The following AIFM3 variants were observed in gnomAD, a reference collection of about 807,000 sequenced individuals.
AIFM3 encodes apoptosis-inducing factor 3.
Under a neutral mutation model 82.7 loss-of-function variants are expected in AIFM3, and 71 were observed. The observed-to-expected ratio is 0.86, with a 90% CI of 0.71 to 1.05. The LOEUF (loss-of-function observed/expected upper bound fraction) is 1.05. Ranked by LOEUF, AIFM3 falls within the 50% of genes least tolerant of loss-of-function variation. The pLI is 0.00. For missense variants in AIFM3, 748 were observed against 816.7 expected (o/e 0.92, Z 1.03); for synonymous variants, 337 against 329.1 (o/e 1.02, Z -0.26).
chr22:20,972,568 G>A (rs1320201281), intron 2 of AIFM3, among the ~76,000 whole-genome samples: 3 of 152,124 alleles, frequency 2.0e-5, no homozygotes, highest in Non-Finnish European at 4.4e-5. Flanking sequence ...CTGAGCTGCT[G>A]CCACTTTTGA....
chr22:20,975,595 C>G, intron 8 of AIFM3, 97 bp from the exon 9 acceptor site: 1 of 1,201,504 alleles, frequency 8.3e-7, no homozygotes, highest in Non-Finnish European at 1.2e-6. Context: ...GAGTTCTGTC[C>G]TGCAGCCCCT....
intron 2 of AIFM3, among the ~76,000 whole-genome samples, chr22:20,971,483 A>T (rs1400426558): frequency 2.0e-5 from 3 of 152,112 alleles, no homozygotes; most frequent in Non-Finnish European, 4.4e-5. Flanking sequence ...GAGATGATGG[A>T]TGGGCTGGGC....
In AIFM3 at chr22:20,973,294, G is replaced by A. The variant is rs936165142; in HGVS notation, c.32-13G>A. 3.2e-6 allele frequency: 5 copies of A among 1,565,842 alleles called. No individual in the cohort carries two copies. The highest frequency in any genetic ancestry group is 4.3e-6 in the Non-Finnish European group (5 of 1,155,770). ...GCTGAGGTGGGGGGCTCAAGGCGCT[G>A]CCTTGCCCACAGTGGAGCTCAAGAT... is the stretch of plus-strand genomic sequence containing the variant. On this transcript the variant is annotated splice_polypyrimidine_tract_variant and intron_variant, in intron 2 of 20. Coordinates refer to ENST00000440238, the MANE Select transcript of AIFM3 (RefSeq NM_001386814.1).
upstream of AIFM3, among the ~76,000 whole-genome samples, chr22:20,966,074 GC>G (rs1922873147): frequency 1.3e-5 from 2 of 152,170 alleles, no homozygotes; most frequent in African/African-American, 4.8e-5. Flanking sequence ...AGGCACAGGG[GC>G]CCCACCCAGT....
In AIFM3 at chr22:20,971,392, G is replaced by A. The variant is rs368692919; in HGVS notation, c.32-1915G>A. Among the ~76,000 whole-genome samples the A allele has an allele frequency of 2.0e-5, 3 of 152,154 alleles. No individual in the cohort carries two copies. In the East Asian group the frequency reaches 5.8e-4, roughly 29 times the overall value. ...GACCTTTTCTTTGCCCCTGTGCCCT[G>A]CTATGCCTGGGCCTGAGCTGAGGGC... is the stretch of plus-strand genomic sequence containing the variant. On this transcript the variant is annotated intron_variant, in intron 2 of 20. Coordinates refer to ENST00000440238, the MANE Select transcript of AIFM3 (RefSeq NM_001386814.1).
chr22:20,970,133 C>G (rs1923178276), intron 2 of AIFM3, among the ~76,000 whole-genome samples: 1 of 152,216 alleles, frequency 6.6e-6, no homozygotes, highest in Non-Finnish European at 1.5e-5. Context: ...TACCTAAAGG[C>G]TTTCCATCCT....
Position 20,977,034 on chromosome 22 carries a change from G to A in AIFM3, c.1221G>A (p.Leu407=). 1 of 1,614,180 alleles carries A rather than the reference G, an allele frequency of 6.2e-7. No homozygotes were observed. Residue 407 remains leucine, a splice_region_variant and synonymous_variant, in exon 14 of 21, where the codon CTG becomes CTA. Transcript: ENST00000440238. Reference sequence around the variant, plus strand: ...GTTTATCCACCCACTCCCCACAGCTGAAGGAGGTTGTGCTGAAGAGCAGCA... The same window carrying A: ...GTTTATCCACCCACTCCCCACAGCTAAAGGAGGTTGTGCTGAAGAGCAGCA... ...VSELRGQEGK[L]KEVVLKSSKV...
rs968172682 is a variant in AIFM3, at chr22:20,976,313, G to A, written c.899+7G>A. 6.2e-7 allele frequency: 1 copy of A among 1,613,942 alleles called. No individual in the cohort carries two copies. On this transcript the variant is annotated splice_region_variant and intron_variant, in intron 10 of 20. Coordinates refer to ENST00000440238, the MANE Select transcript of AIFM3 (RefSeq NM_001386814.1). ...TGCTGGCACCAGGGAGCAGGTGGGA[G>A]GGTCTCCTTTTTACCCATCGGACAC...
In AIFM3 at chr22:20,977,107, T is replaced by C. The variant is rs1220682544; in HGVS notation, c.1282+12T>C. On this transcript the variant is annotated intron_variant, in intron 14 of 20. Transcript: ENST00000440238. ...CGTGGTGGGCATTGGTGAGTTGGTG[T>C]GTGGGCAGGCAGGCACAAAGCAGCC... 1 of 1,613,860 alleles carries C rather than the reference T, an allele frequency of 6.2e-7. No homozygotes were observed. Among genetic ancestry groups the C allele is most frequent in the Non-Finnish European group, 8.5e-7 (1 of 1,179,998 alleles).
chr22:20,975,344 C>T (rs892465903), intron 8 of AIFM3, among the ~76,000 whole-genome samples: 12 of 152,070 alleles, frequency 7.9e-5, no homozygotes, highest in African/African-American at 1.9e-4. Flanking sequence ...ACTGCAGCGT[C>T]GACCTCCACC....
At chr22:20,977,152 A>G in intron 14 of AIFM3, 57 bp downstream of exon 14, 1 of 1,602,100 alleles carries the variant, frequency 6.2e-7, no homozygotes, top group Non-Finnish European at 8.5e-7. Flanking sequence ...GCACATGCTC[A>G]CATGTGACCT....
chr22:20,968,018 C>G, intron 2 of AIFM3, 43 bp downstream of exon 2: 1 of 1,573,342 alleles, frequency 6.4e-7, no homozygotes, highest in Non-Finnish European at 8.6e-7. Context: ...CCTCCCTCCC[C>G]GCCTCCTCCT....
chr22:20,977,119 G>A, intron 14 of AIFM3, 24 bp downstream of exon 14: 1 of 1,613,624 alleles, frequency 6.2e-7, no homozygotes, highest in Non-Finnish European at 8.5e-7. Context: ...TGGGCAGGCA[G>A]GCACAAAGCA....
chr22:20,979,665 G>C lies in AIFM3; in HGVS notation c.1615G>C (p.Asp539His), dbSNP rs367787216. 2 of 1,614,222 alleles carry C rather than the reference G, an allele frequency of 1.2e-6. No individual in the cohort carries two copies. Among genetic ancestry groups the C allele is most frequent in the Admixed American group, 3.3e-5 (2 of 60,028 alleles). ...EGFDDVIIQG[D>H]LEELKFVAFY... ...CTTCGACGACGTCATCATCCAGGGGGATCTGGAGGAGCTGAAGTTTGTGGC... is the reference window on the plus strand; with the variant it reads ...CTTCGACGACGTCATCATCCAGGGGCATCTGGAGGAGCTGAAGTTTGTGGC... The change falls in exon 18 of 21, where the codon GAT becomes CAT. Residue 539 changes from aspartate (D) to histidine (H), a missense_variant. Physicochemically the swap from Asp to His is moderately conservative, Grantham distance 81. Around this residue, in one of 5 missense-constraint regions of AIFM3, gnomAD observed 183 missense variants for 158.2 expected, o/e 1.16. Transcript: ENST00000440238.
rs1569144962 is a variant in AIFM3, at chr22:20,967,881, C to A, written c.-64C>A. 2 of 1,598,816 alleles carry A rather than the reference C, an allele frequency of 1.3e-6. No individual in the cohort carries two copies. The highest frequency in any genetic ancestry group is 2.2e-5 in the South Asian group (2 of 90,804). On this transcript the variant is annotated 5_prime_UTR_variant, in exon 2 of 21. Transcript: ENST00000440238. ...AGGGGGTCCAGCCCCATGGGGGGCGCCCTAGGCCTCCGACAGCTCCCCATC... is the reference window on the plus strand; with the variant it reads ...AGGGGGTCCAGCCCCATGGGGGGCGACCTAGGCCTCCGACAGCTCCCCATC...
Position 20,977,762 on chromosome 22 carries a change from A to C in AIFM3, c.1345A>C (p.Ile449Leu), listed in dbSNP as rs1318453401. ...CATCGGTTTGGATTCCCGAGGCTTC[A>C]TCCCTGTCAACAAGGTGGGGTGGAT... ...SGIGLDSRGF[I>L]PVNKMMQTNV... Residue 449 changes from isoleucine to leucine, a missense_variant, in exon 15 of 21, where the codon ATC becomes CTC. Transcript: ENST00000440238. 2 of 1,614,188 alleles carry C rather than the reference A, an allele frequency of 1.2e-6. No individual in the cohort carries two copies. Among genetic ancestry groups the C allele is most frequent in the Non-Finnish European group, 8.5e-7 (1 of 1,180,044 alleles).
At chr22:20,967,559 C>T (rs149150347) in intron 1 of AIFM3, among the ~76,000 whole-genome samples, 112 of 152,150 alleles carry the variant, frequency 7.4e-4, no homozygotes, top group African/African-American at 2.5e-3. Flanking sequence ...AAGGCAGCCG[C>T]GGGGCTGGAC....
intron 2 of AIFM3, among the ~76,000 whole-genome samples, chr22:20,968,782 T>C (rs178257): frequency 1 from 152,201 of 152,206 alleles, 76,098 homozygotes; most frequent in Middle Eastern, 1. Context: ...CCACTCAACC[T>C]GCCAGGCCAC....
At chr22:20,978,465 A>G (rs1293591093) in intron 16 of AIFM3, among the ~76,000 whole-genome samples, 1 of 152,050 alleles carries the variant, frequency 6.6e-6, no homozygotes, top group African/African-American at 2.4e-5. Flanking sequence ...TCTGAGGAAT[A>G]GCTTTCCCCT....
Sources: allele counts gnomAD v4.1 joint callset (sites outside exome capture counted in the v4.1 genomes callset), GRCh38; gene constraint gnomAD v4.1.1; regional missense constraint gnomAD v4.1.1; transcripts MANE v1.5; gene names NCBI Gene and HGNC (gene_info 2026-07-23, HGNC 2026-07-21).